Variants in C10orf90 observed in about 807,000 individuals in gnomAD.
C10orf90 encodes the protein (E2-independent) E3 ubiquitin-conjugating enzyme FATS.
In C10orf90, 56 loss-of-function variants were observed where a neutral mutation model predicts 62.5. The ratio of observed to expected loss-of-function variants is 0.90; its 90% CI spans 0.72 to 1.12. The LOEUF (loss-of-function observed/expected upper bound fraction) is 1.12, where lower values mean the gene tolerates loss of function less well. C10orf90 is among the 50% of genes most tolerant of loss of function. C10orf90 has a pLI of 0.00. For missense variants in C10orf90, 970 were observed against 880.4 expected (o/e 1.10, Z -1.29); for synonymous variants, 386 against 340.4 (o/e 1.13, Z -1.47).
At chr10:126,650,779 A>G (rs184547901) in intron 1 of C10orf90, among the ~76,000 whole-genome samples, 18 of 152,322 alleles carry the variant, frequency 1.2e-4, no homozygotes, top group African/African-American at 3.1e-4. Context: ...TATATATAAC[A>G]AAACTCAGGC....
At position 126,504,902 on chromosome 10, in the gene C10orf90, A is replaced by G. The variant is rs771729233; in HGVS notation, c.589T>C (p.Phe197Leu). 6.2e-7 allele frequency: 1 copy of G among 1,614,154 alleles called. No individual in the cohort carries two copies. The highest frequency in any genetic ancestry group is 1.7e-5 in the Admixed American group (1 of 60,024). The change falls in exon 4 of 10, where the codon TTT becomes CTT. Residue 197 changes from phenylalanine to leucine, a missense_variant. Coordinates refer to ENST00000488181, the MANE Select transcript of C10orf90 (RefSeq NM_001350921.2). This position sits in a 1 kb window ranked among gnomAD's most constrained non-coding sequence, Gnocchi z 4.1. ...CCTAATCTGCCCGGAAGTAACGCAAATGCTCTGTGAATGTTGACTCCGCTG... is the reference window on the plus strand; with the variant it reads ...CCTAATCTGCCCGGAAGTAACGCAAGTGCTCTGTGAATGTTGACTCCGCTG... ...NRSGVNIHRAFALLPGRLGIP... is the reference protein window; with the variant it reads ...NRSGVNIHRALALLPGRLGIP...
chr10:126,550,799 C>T (rs569646383), intron 2 of C10orf90, among the ~76,000 whole-genome samples: 2 of 152,136 alleles, frequency 1.3e-5, no homozygotes, highest in Non-Finnish European at 2.9e-5. Flanking sequence ...CATGAGTCAC[C>T]GTGCCTGACC....
At position 126,649,449 on chromosome 10, in the gene C10orf90, C is replaced by T. The variant is rs186830402; in HGVS notation, c.241-2812G>A. On this transcript the variant is annotated intron_variant, in intron 1 of 9. Transcript: ENST00000488181. ...TCTCTCCTGTCACACACTCTATGAG[C>T]TCCCCTCATCTCCTTGATTGGTCAC... Among the ~76,000 whole-genome samples the T allele has an allele frequency of 9.1e-4, 138 of 152,174 alleles. 5 individuals are homozygous for T. The South Asian group carries it at 0.024, about 26-fold the overall frequency.
rs181681163 is a variant in C10orf90, at chr10:126,656,452, G to T, written c.241-9815C>A. Among the ~76,000 whole-genome samples the T allele has an allele frequency of 3.2e-4, 49 of 152,288 alleles. 2 individuals are homozygous for T. The East Asian group carries it at 9.3e-3, about 29-fold the overall frequency. On this transcript the variant is annotated intron_variant, in intron 1 of 9. Transcript: ENST00000488181. ...AGCTAAGAGTCCATGAAAAATTGAA[G>T]AGTTAATGAATGGAAGAGTCAGGAT... is the stretch of plus-strand genomic sequence containing the variant.
intron 2 of C10orf90, among the ~76,000 whole-genome samples, chr10:126,571,567 C>T (rs1279825303): frequency 1.3e-5 from 2 of 152,226 alleles, no homozygotes; most frequent in Non-Finnish European, 2.9e-5. Flanking sequence ...TCTCACCTTC[C>T]ATCATTAGCA....
At chr10:126,472,921 T>A (rs1197788959) in intron 4 of C10orf90, among the ~76,000 whole-genome samples, 1 of 152,210 alleles carries the variant, frequency 6.6e-6, no homozygotes, top group East Asian at 1.9e-4. Flanking sequence ...CTGAGGGTAC[T>A]GAGCCTTTAG....
At chr10:126,481,586 C>A (rs1445028099) in intron 4 of C10orf90, among the ~76,000 whole-genome samples, 2 of 152,182 alleles carry the variant, frequency 1.3e-5, no homozygotes, top group Non-Finnish European at 2.9e-5. Context: ...TTGCACCATT[C>A]CCTCTGTGTC....
chr10:126,456,378 C>CT lies in C10orf90; in HGVS notation c.2188+2661dup, dbSNP rs1343426570. ...TAAAACCCACGTTGGCCAAGTCCCACTTTGAGAGCATGCTGCTTGCCAGGA... is the reference window on the plus strand; with the variant it reads ...TAAAACCCACGTTGGCCAAGTCCCACTTTTGAGAGCATGCTGCTTGCCAGGA... On this transcript the variant is annotated intron_variant, in intron 7 of 9. Coordinates refer to ENST00000488181, the MANE Select transcript of C10orf90 (RefSeq NM_001350921.2). The surrounding 1 kb of genome is among the most constrained non-coding windows in gnomAD (Gnocchi z 4.9). 2.0e-5 allele frequency among the ~76,000 whole-genome samples: 3 copies of CT among 152,240 alleles called. No individual in the cohort carries two copies. Among genetic ancestry groups the CT allele is most frequent in the Non-Finnish European group, 4.4e-5 (3 of 68,020 alleles).
chr10:126,648,809 G>A (rs1846221543), intron 1 of C10orf90, among the ~76,000 whole-genome samples: 1 of 152,150 alleles, frequency 6.6e-6, no homozygotes, highest in Non-Finnish European at 1.5e-5. Context: ...GTTGTCTTGT[G>A]TGGTTCTTTT....
intron 2 of C10orf90, among the ~76,000 whole-genome samples, chr10:126,547,498 G>GAAAAAA (rs34204650): frequency 8.8e-6 from 1 of 114,188 alleles, no homozygotes; most frequent in East Asian, 2.5e-4. Flanking sequence ...TTAACTGAGT[G>GAAAAAA]AAAAAAAAAA....
rs113391176 is a variant in C10orf90 at position 126,502,350 on chromosome 10, G to A, written c.1534+1607C>T. 8.0e-3 allele frequency among the ~76,000 whole-genome samples: 1,212 copies of A among 152,320 alleles called. 20 individuals carry two copies. The highest frequency in any genetic ancestry group is 0.027 in the African/African-American group (1,138 of 41,570). On this transcript the variant is annotated intron_variant, in intron 4 of 9. Coordinates refer to ENST00000488181, the MANE Select transcript of C10orf90 (RefSeq NM_001350921.2). ...CCTCATGGCTTAAAGCCACTGAAAC[G>A]CTTCACATGTGAATCTTTGGGATCT...
intron 2 of C10orf90, among the ~76,000 whole-genome samples, chr10:126,537,099 C>T (rs1003142700): frequency 6.6e-6 from 1 of 152,184 alleles, no homozygotes; most frequent in African/African-American, 2.4e-5. Context: ...TTGCAGTCCA[C>T]AGATCCTTAA....
At chr10:126,520,377 T>C (rs1460114685) in intron 2 of C10orf90, 2 of 151,972 alleles carry the variant, frequency 1.3e-5, no homozygotes, top group Non-Finnish European at 2.9e-5. Flanking sequence ...AGGTGCAAAA[T>C]TGAAGCACAC....
At chr10:126,559,112 A>G (rs574228744) in intron 2 of C10orf90, among the ~76,000 whole-genome samples, 1 of 152,356 alleles carries the variant, frequency 6.6e-6, no homozygotes, top group African/African-American at 2.4e-5. Flanking sequence ...TATTTGGCCA[A>G]TATTCTCTTA....
At chr10:126,553,436 A>G (rs1218886254) in intron 2 of C10orf90, among the ~76,000 whole-genome samples, 1 of 152,240 alleles carries the variant, frequency 6.6e-6, no homozygotes, top group African/African-American at 2.4e-5. Flanking sequence ...ATCTTGTACC[A>G]CATAATGACA....
intron 4 of C10orf90, among the ~76,000 whole-genome samples, chr10:126,467,393 C>A (rs905324765): frequency 6.6e-6 from 1 of 152,216 alleles, no homozygotes; most frequent in South Asian, 2.1e-4. Context: ...CAGGACAAGG[C>A]GGCATGTGTG....
chr10:126,536,895 C>A (rs911180445), intron 2 of C10orf90, among the ~76,000 whole-genome samples: 1 of 152,138 alleles, frequency 6.6e-6, no homozygotes, highest in Non-Finnish European at 1.5e-5. Context: ...CAACCACCAC[C>A]CTGCCAACTC....
At position 126,425,831 on chromosome 10, in the gene C10orf90, T is replaced by C. The variant is rs116168218; in HGVS notation, c.*33A>G. 4,035 of 1,608,628 alleles carry C rather than the reference T, an allele frequency of 2.5e-3. 105 individuals carry two copies. The African/African-American group carries it at 0.046, about 18-fold the overall frequency. On this transcript the variant is annotated 3_prime_UTR_variant, in exon 10 of 10. Transcript: ENST00000488181. ...ATCCAGCATTCGAAGTCCTCCCAGG[T>C]CCAGGTAGTGTGGTCAGCAGGGCAG...
At chr10:126,522,328 G>A (rs1026721129) in intron 2 of C10orf90, among the ~76,000 whole-genome samples, 1 of 152,170 alleles carries the variant, frequency 6.6e-6, no homozygotes, top group African/African-American at 2.4e-5. Flanking sequence ...CACAACTACA[G>A]GGTGAGTTCC....
Sources: gnomAD v4.1 joint callset for allele counts (sites outside exome capture counted in the v4.1 genomes callset) on GRCh38, gnomAD v4.1.1 for gene constraint, Gnocchi (gnomAD v3.1) non-coding constraint, MANE v1.5 for transcripts, NCBI Gene and HGNC (gene_info 2026-07-23, HGNC 2026-07-21) for gene names.